Variants in PPM1E observed in about 807,000 individuals in gnomAD.
PPM1E encodes the protein protein phosphatase, Mg2+/Mn2+ dependent 1E, also known as protein phosphatase 1E.
PPM1E carries 20 observed loss-of-function variants against 65.9 expected under a neutral mutation model. That is an observed-to-expected ratio of 0.30 (90% CI 0.21 to 0.44). The LOEUF (loss-of-function observed/expected upper bound fraction) is 0.44. PPM1E is among the 20% of genes least tolerant of loss of function. The probability of loss-of-function intolerance (pLI) is 1.00; values close to 1 mark genes in which losing one functional copy is unlikely to be tolerated. For synonymous variants in PPM1E, 352 were observed against 374.9 expected (o/e 0.94, Z 0.70); for missense variants, 713 against 953.1 (o/e 0.75, Z 3.32).
chr17:58,759,773 T>C lies in PPM1E; in HGVS notation c.464+3312T>C, dbSNP rs1341157320. ...GCAGTAATAATGAGGGTGGACACTT[T>C]AAAAATGGCTTGGAAAAGAAAATCG... is the stretch of plus-strand genomic sequence containing the variant. On this transcript the variant is annotated intron_variant, in intron 1 of 6. Coordinates refer to ENST00000308249, the MANE Select transcript of PPM1E (RefSeq NM_014906.5). Among the ~76,000 whole-genome samples the C allele has an allele frequency of 4.6e-5, 7 of 152,228 alleles. No homozygotes were observed. In the East Asian group the frequency reaches 1.3e-3, roughly 29 times the overall value.
chr17:58,974,081 T>C (rs1376626774), intron 6 of PPM1E, among the ~76,000 whole-genome samples: 2 of 151,914 alleles, frequency 1.3e-5, no homozygotes, highest in South Asian at 2.1e-4. Flanking sequence ...TGAGCCAAGA[T>C]TGTGCCACTG....
At chr17:58,838,706 TC>T (rs2050687695) in intron 1 of PPM1E, among the ~76,000 whole-genome samples, 1 of 152,172 alleles carries the variant, frequency 6.6e-6, no homozygotes, top group African/African-American at 2.4e-5. Flanking sequence ...TAAACTTACG[TC>T]CACACAGAAA....
intron 1 of PPM1E, among the ~76,000 whole-genome samples, chr17:58,769,404 G>A (rs1162539854): frequency 6.6e-6 from 1 of 152,070 alleles, no homozygotes; most frequent in African/African-American, 2.4e-5. Context: ...AGACCAACCT[G>A]GGCAACATGA....
intron 1 of PPM1E, among the ~76,000 whole-genome samples, chr17:58,810,584 T>C (rs935403826): frequency 6.6e-6 from 1 of 152,180 alleles, no homozygotes; most frequent in African/African-American, 2.4e-5. Flanking sequence ...GGTCCAAAAG[T>C]TCAAGTGCCG....
chr17:58,870,170 T>C (rs1215035333), intron 1 of PPM1E, among the ~76,000 whole-genome samples: 4 of 151,976 alleles, frequency 2.6e-5, no homozygotes, highest in African/African-American at 9.7e-5. Context: ...GTTCTGACAA[T>C]GAGGGACAAA....
intron 1 of PPM1E, among the ~76,000 whole-genome samples, chr17:58,788,474 T>C (rs2050126173): frequency 6.6e-6 from 1 of 152,232 alleles, no homozygotes; most frequent in African/African-American, 2.4e-5. Flanking sequence ...TAGTTTCACA[T>C]ACTATTGTGA....
At chr17:58,891,836 T>C (rs1244735807) in intron 1 of PPM1E, among the ~76,000 whole-genome samples, 1 of 134,608 alleles carries the variant, frequency 7.4e-6, no homozygotes, top group African/African-American at 2.8e-5. Flanking sequence ...CTTTTTCTTT[T>C]TTTTTTTTTT....
intron 1 of PPM1E, among the ~76,000 whole-genome samples, chr17:58,841,053 G>C (rs1218477722): frequency 6.6e-6 from 1 of 152,118 alleles, no homozygotes; most frequent in Non-Finnish European, 1.5e-5. Flanking sequence ...GTAGTTAGCT[G>C]TTTCTCAGAA....
At chr17:58,873,067 T>C (rs1292331706) in intron 1 of PPM1E, among the ~76,000 whole-genome samples, 2 of 152,242 alleles carry the variant, frequency 1.3e-5, no homozygotes, top group East Asian at 3.8e-4. Flanking sequence ...TCTAAAATTC[T>C]GCCAGCTTTA....
intron 1 of PPM1E, among the ~76,000 whole-genome samples, chr17:58,771,225 G>A (rs1224543107): frequency 6.6e-6 from 1 of 151,618 alleles, no homozygotes; most frequent in Non-Finnish European, 1.5e-5. Context: ...AATTTTTGTG[G>A]TTAATATATA....
chr17:58,885,299 T>C (rs1412236379), intron 1 of PPM1E, among the ~76,000 whole-genome samples: 1 of 152,168 alleles, frequency 6.6e-6, no homozygotes, highest in African/African-American at 2.4e-5. Context: ...TCAGGTGATC[T>C]GCCCGCCTTG....
intron 1 of PPM1E, among the ~76,000 whole-genome samples, chr17:58,905,792 G>A (rs532818653): frequency 9.4e-4 from 143 of 152,002 alleles, no homozygotes; most frequent in Middle Eastern, 3.4e-3. Context: ...TGGGTTAATA[G>A]GTGCACTAAT....
chr17:58,892,975 C>T lies in PPM1E; in HGVS notation c.465-62674C>T, dbSNP rs999172193. ...ACAACACCAAATGCTGACAAGGATG[C>T]GGAGCAACAAAAACTCTCATTCATT... On this transcript the variant is annotated intron_variant, in intron 1 of 6. Transcript: ENST00000308249. 6.6e-5 allele frequency among the ~76,000 whole-genome samples: 10 copies of T among 152,232 alleles called. No homozygotes were observed. In the South Asian group the frequency reaches 8.3e-4, roughly 13 times the overall value.
chr17:58,847,787 G>GT (rs2050786866), intron 1 of PPM1E, among the ~76,000 whole-genome samples: 1 of 152,148 alleles, frequency 6.6e-6, no homozygotes, highest in African/African-American at 2.4e-5. Flanking sequence ...CTTGAAAGTA[G>GT]TTTTTTCCAA....
intron 1 of PPM1E, among the ~76,000 whole-genome samples, chr17:58,901,650 G>A (rs1009252387): frequency 3.3e-5 from 5 of 151,384 alleles, no homozygotes; most frequent in African/African-American, 4.9e-5. Flanking sequence ...ACTCCAGCCT[G>A]GACAACAGAG....
In PPM1E at chr17:58,982,960, A is replaced by G; in HGVS notation, c.*1929A>G. 1 of 1,554,024 alleles carries G rather than the reference A, an allele frequency of 6.4e-7. No homozygotes were observed. The highest frequency in any genetic ancestry group is 8.7e-7 in the Non-Finnish European group (1 of 1,143,792). ...AAAACAAAGGCAGCAGACTATTGGT[A>G]CACATTATAGTCCAAAGTGCTTAGC... On this transcript the variant is annotated 3_prime_UTR_variant, in exon 7 of 7. Coordinates refer to ENST00000308249, the MANE Select transcript of PPM1E (RefSeq NM_014906.5).
chr17:58,947,248 T>TC (rs1201861274), intron 1 of PPM1E, among the ~76,000 whole-genome samples: 3 of 142,382 alleles, frequency 2.1e-5, no homozygotes, highest in African/African-American at 7.8e-5. Context: ...TTTTTTTTTT[T>TC]TTTTTTTTGA....
At chr17:58,963,739 A>G (rs1411480636) in intron 2 of PPM1E, among the ~76,000 whole-genome samples, 1 of 151,946 alleles carries the variant, frequency 6.6e-6, no homozygotes, top group African/African-American at 2.4e-5. Context: ...ATAAATAAAA[A>G]TTAGCCAGGG....
At chr17:58,867,891 C>T (rs1169337002) in intron 1 of PPM1E, among the ~76,000 whole-genome samples, 1 of 152,086 alleles carries the variant, frequency 6.6e-6, no homozygotes, top group Non-Finnish European at 1.5e-5. Context: ...GGGAACCTAA[C>T]TGAAAAACTA....
Sources: allele counts gnomAD v4.1 joint callset (sites outside exome capture counted in the v4.1 genomes callset), GRCh38; gene constraint gnomAD v4.1.1; transcripts MANE v1.5; gene names NCBI Gene and HGNC (gene_info 2026-07-23, HGNC 2026-07-21).